The following ROBO1 variants were observed in gnomAD, a reference collection of about 807,000 sequenced individuals.
The protein encoded by ROBO1 is roundabout guidance receptor 1, also known as roundabout homolog 1.
In ROBO1, 149 loss-of-function variants were observed where a neutral mutation model predicts 195.9. The observed-to-expected ratio is 0.76, with a 90% CI of 0.67 to 0.87. ROBO1 has a LOEUF of 0.87. Among genes scored for constraint, ROBO1 ranks in the 40% least tolerant of loss-of-function variants. ROBO1 has a pLI of 0.00. For synonymous variants in ROBO1, 816 were observed against 733.2 expected (o/e 1.11, Z -1.82); for missense variants, 1,933 against 2,068.3 (o/e 0.93, Z 1.27).
chr3:78,615,431 T>C (rs753141987), intron 27 of ROBO1, among the ~76,000 whole-genome samples: 2 of 152,208 alleles, frequency 1.3e-5, no homozygotes, highest in Non-Finnish European at 2.9e-5. Flanking sequence ...CCAAGACTTC[T>C]GTTTTTTTTG....
chr3:78,757,383 G>C (rs904523514), intron 4 of ROBO1, among the ~76,000 whole-genome samples: 6 of 151,890 alleles, frequency 4.0e-5, no homozygotes, highest in African/African-American at 1.5e-4. Flanking sequence ...AAAAAGACTA[G>C]AGTGTTTTCT....
intron 8 of ROBO1, among the ~76,000 whole-genome samples, chr3:78,689,173 T>G (rs2081116040): frequency 6.6e-6 from 1 of 152,204 alleles, no homozygotes; most frequent in African/African-American, 2.4e-5. Context: ...GTCTTAAAAT[T>G]ACTTTAACTC....
At chr3:79,402,392 C>T (rs1256285206) in intron 2 of ROBO1, among the ~76,000 whole-genome samples, 1 of 151,866 alleles carries the variant, frequency 6.6e-6, no homozygotes, top group Non-Finnish European at 1.5e-5. Flanking sequence ...GGATTCTGTA[C>T]CAACAAAGCA....
intron 21 of ROBO1, among the ~76,000 whole-genome samples, chr3:78,644,425 T>G (rs1706154642): frequency 6.6e-6 from 1 of 152,172 alleles, no homozygotes; most frequent in Non-Finnish European, 1.5e-5. Flanking sequence ...CATGAATAAA[T>G]AATTCTAAAA....
At chr3:79,144,843 C>G (rs2080610788) in intron 2 of ROBO1, among the ~76,000 whole-genome samples, 1 of 151,826 alleles carries the variant, frequency 6.6e-6, no homozygotes, top group African/African-American at 2.4e-5. Context: ...GTTACGTTGC[C>G]ACTGTGAATA....
intron 1 of ROBO1, among the ~76,000 whole-genome samples, chr3:79,665,512 C>T (rs1946451544): frequency 1.3e-5 from 2 of 151,678 alleles, no homozygotes; most frequent in African/African-American, 2.4e-5. Context: ...CCCCTTTAAG[C>T]AATATTTAAC....
intron 2 of ROBO1, among the ~76,000 whole-genome samples, chr3:79,197,848 T>G (rs1434828832): frequency 6.6e-6 from 1 of 151,976 alleles, no homozygotes. Flanking sequence ...TTTTGAGAAG[T>G]GTCTGTTCAT....
intron 2 of ROBO1, among the ~76,000 whole-genome samples, chr3:79,549,975 A>G (rs540053695): frequency 1.3e-5 from 2 of 151,820 alleles, no homozygotes; most frequent in Non-Finnish European, 2.9e-5. Context: ...AAAATTAAAA[A>G]TTAGCTGGAC....
intron 28 of ROBO1, among the ~76,000 whole-genome samples, chr3:78,608,248 A>G (rs2107304283): frequency 6.6e-6 from 1 of 151,908 alleles, no homozygotes; most frequent in African/African-American, 2.4e-5. Flanking sequence ...AGAAACTGGG[A>G]CTACATGCCA....
At chr3:79,198,692 T>C (rs956712277) in intron 2 of ROBO1, among the ~76,000 whole-genome samples, 13 of 152,134 alleles carry the variant, frequency 8.5e-5, no homozygotes, top group African/African-American at 2.4e-4. Context: ...CTTCCATTTG[T>C]TTGTGTCCTC....
intron 2 of ROBO1, among the ~76,000 whole-genome samples, chr3:79,454,066 T>A (rs566710477): frequency 6.6e-6 from 1 of 151,978 alleles, no homozygotes; most frequent in Non-Finnish European, 1.5e-5. Context: ...TTATCTATAG[T>A]CTAATTGGCT....
At chr3:79,059,900 G>T (rs1271109178) in intron 3 of ROBO1, among the ~76,000 whole-genome samples, 1 of 152,006 alleles carries the variant, frequency 6.6e-6, no homozygotes, top group Non-Finnish European at 1.5e-5. Context: ...GCGATTTTCA[G>T]GGAACAAGGG....
chr3:78,696,994 CA>C (rs1198188817), intron 8 of ROBO1, among the ~76,000 whole-genome samples: 1 of 150,828 alleles, frequency 6.6e-6, no homozygotes, highest in Non-Finnish European at 1.5e-5. Flanking sequence ...TTTGAAACAT[CA>C]AAACAGTATA....
chr3:78,998,327 C>T (rs1007860147), intron 3 of ROBO1, among the ~76,000 whole-genome samples: 3 of 152,020 alleles, frequency 2.0e-5, no homozygotes, highest in Admixed American at 6.6e-5. Flanking sequence ...AAAAGTAGGC[C>T]GGAAGAACTA....
intron 1 of ROBO1, among the ~76,000 whole-genome samples, chr3:79,705,342 A>AT (rs1947735981): frequency 6.6e-6 from 1 of 151,122 alleles, no homozygotes; most frequent in South Asian, 2.1e-4. Flanking sequence ...ATTGTGATCC[A>AT]TTTTTTGAAT....
At chr3:79,446,822 G>T (rs2107169357) in intron 2 of ROBO1, among the ~76,000 whole-genome samples, 1 of 152,052 alleles carries the variant, frequency 6.6e-6, no homozygotes, top group Non-Finnish European at 1.5e-5. Context: ...GTTTTAAAAT[G>T]CACACTTTAT....
At chr3:78,976,960 G>A (rs111841077) in intron 3 of ROBO1, among the ~76,000 whole-genome samples, 13 of 152,230 alleles carry the variant, frequency 8.5e-5, no homozygotes, top group Admixed American at 8.5e-4. Context: ...TCAGAACTTT[G>A]TGTAACACCA....
At chr3:78,935,119 T>C (rs892568713) in intron 4 of ROBO1, among the ~76,000 whole-genome samples, 1 of 152,068 alleles carries the variant, frequency 6.6e-6, no homozygotes, top group African/African-American at 2.4e-5. Context: ...TCAAAATGCA[T>C]ACATTTTAGT....
intron 4 of ROBO1, among the ~76,000 whole-genome samples, chr3:78,791,438 C>T (rs17376753): frequency 0.25 from 37,769 of 152,054 alleles, 4,846 homozygotes; most frequent in Non-Finnish European, 0.27. Flanking sequence ...ACTGACACTT[C>T]TGCCCTTGGG....
Sources: gnomAD v4.1 joint callset for allele counts (sites outside exome capture counted in the v4.1 genomes callset) on GRCh38, gnomAD v4.1.1 for gene constraint, MANE v1.5 for transcripts, NCBI Gene and HGNC (gene_info 2026-07-23, HGNC 2026-07-21) for gene names.